The following LCORL variants were observed in gnomAD, a reference collection of about 807,000 sequenced individuals.
The protein encoded by LCORL is ligand-dependent nuclear receptor corepressor-like protein.
In LCORL, 41 loss-of-function variants were observed where a neutral mutation model predicts 141.8. The observed-to-expected ratio is 0.29, with a 90% CI of 0.23 to 0.38. The LOEUF (loss-of-function observed/expected upper bound fraction) is 0.38. LCORL is among the 10% of genes least tolerant of loss of function. The pLI, the probability that LCORL is intolerant of heterozygous loss-of-function variation, is 1.00. For missense variants in LCORL, 1,759 were observed against 2,035.0 expected, an observed-to-expected ratio of 0.86 and a Z score of 2.61; for synonymous variants, 618 against 694.1, an observed-to-expected ratio of 0.89 and a Z score of 1.72.
At chr4:17,881,115 C>A (rs1727511618) in intron 6 of LCORL, 1 of 982,294 alleles carries the variant, frequency 1.0e-6, no homozygotes, top group Non-Finnish European at 1.2e-6. Flanking sequence ...CTTTACTGAG[C>A]AGTAGTTTTC....
chr4:17,911,092 A>T (rs954935311), intron 4 of LCORL, among the ~76,000 whole-genome samples: 3 of 152,168 alleles, frequency 2.0e-5, no homozygotes, highest in Non-Finnish European at 4.4e-5. Flanking sequence ...CAGAAATAAT[A>T]ATAGAACCTG....
intron 1 of LCORL, among the ~76,000 whole-genome samples, chr4:17,997,149 G>A (rs947706776): frequency 2.6e-5 from 4 of 151,998 alleles, no homozygotes; most frequent in African/African-American, 4.8e-5. Context: ...ATCACAAACC[G>A]AACAATTACC....
intron 1 of LCORL, among the ~76,000 whole-genome samples, chr4:17,986,867 A>C (rs1215547932): frequency 6.6e-6 from 1 of 152,168 alleles, no homozygotes; most frequent in Non-Finnish European, 1.5e-5. Flanking sequence ...AAATTCATAA[A>C]TTACAAACAT....
At chr4:17,892,284 C>T (rs1306963360) in intron 5 of LCORL, among the ~76,000 whole-genome samples, 2 of 150,036 alleles carry the variant, frequency 1.3e-5, no homozygotes, top group African/African-American at 4.9e-5. Context: ...TCTCGGCTCA[C>T]TGCAACCTCC....
At chr4:17,902,640 C>G (rs1731054112) in intron 5 of LCORL, among the ~76,000 whole-genome samples, 1 of 152,006 alleles carries the variant, frequency 6.6e-6, no homozygotes, top group South Asian at 2.1e-4. Flanking sequence ...TAACACCTAC[C>G]TTAATCACAG....
intron 1 of LCORL, among the ~76,000 whole-genome samples, chr4:18,015,270 G>C (rs1170257360): frequency 2.0e-5 from 3 of 152,242 alleles, no homozygotes; most frequent in Non-Finnish European, 4.4e-5. Flanking sequence ...CCAAACAAGG[G>C]ATGTAGTATG....
intron 4 of LCORL, among the ~76,000 whole-genome samples, chr4:17,944,045 C>G (rs1738424762): frequency 6.6e-6 from 1 of 152,134 alleles, no homozygotes; most frequent in African/African-American, 2.4e-5. Context: ...CTAGTTTACC[C>G]ATACTTATTC....
intron 4 of LCORL, among the ~76,000 whole-genome samples, 158 bp from the exon 5 acceptor site, chr4:17,909,503 G>C (rs1732164907): frequency 6.6e-6 from 1 of 152,042 alleles, no homozygotes; most frequent in African/African-American, 2.4e-5. Flanking sequence ...AAGCTTTGTA[G>C]ATTTAATCAG....
At chr4:18,015,947 C>T (rs555155915) in intron 1 of LCORL, among the ~76,000 whole-genome samples, 1 of 151,674 alleles carries the variant, frequency 6.6e-6, no homozygotes, top group East Asian at 1.9e-4. Context: ...CAAAGGCCTT[C>T]CTGGTTTCAT....
At chr4:17,952,885 C>T (rs188109413) in intron 4 of LCORL, among the ~76,000 whole-genome samples, 1 of 152,260 alleles carries the variant, frequency 6.6e-6, no homozygotes, top group Non-Finnish European at 1.5e-5. Context: ...CTATCACCTG[C>T]CTCCCATCCT....
At chr4:18,014,571 G>A (rs1294010929) in intron 1 of LCORL, among the ~76,000 whole-genome samples, 1 of 152,060 alleles carries the variant, frequency 6.6e-6, no homozygotes, top group Admixed American at 6.6e-5. Flanking sequence ...AAAGTAAGAC[G>A]CAAATGTAGC....
chr4:17,883,293 A>G (rs1024437428), intron 6 of LCORL: 4 of 990,478 alleles, frequency 4.0e-6, no homozygotes, highest in Non-Finnish European at 4.8e-6. Flanking sequence ...TCTGTTGTAT[A>G]GAATGTTTAT....
chr4:17,993,572 G>A (rs1315128197), intron 1 of LCORL, among the ~76,000 whole-genome samples: 1 of 152,202 alleles, frequency 6.6e-6, no homozygotes, highest in African/African-American at 2.4e-5. Context: ...AATGTGATAT[G>A]AAAGGAGGAC....
chr4:17,944,296 C>T (rs1018642554), intron 4 of LCORL, among the ~76,000 whole-genome samples: 2 of 152,110 alleles, frequency 1.3e-5, no homozygotes, highest in African/African-American at 2.4e-5. Flanking sequence ...CTAGGTCTTA[C>T]TCATTCAATC....
chr4:18,011,176 G>C (rs564415605), intron 1 of LCORL, among the ~76,000 whole-genome samples: 3 of 151,968 alleles, frequency 2.0e-5, no homozygotes, highest in Non-Finnish European at 4.4e-5. Context: ...GGCCTGTATC[G>C]GTAATAGAAA....
At chr4:17,939,840 T>C (rs557982816) in intron 4 of LCORL, among the ~76,000 whole-genome samples, 25 of 150,098 alleles carry the variant, frequency 1.7e-4, no homozygotes, top group Admixed American at 5.3e-4. Context: ...GGATGAAATC[T>C]GGAAAAAAAT....
intron 5 of LCORL, among the ~76,000 whole-genome samples, chr4:17,890,131 G>A (rs180768403): frequency 7.2e-5 from 11 of 152,164 alleles, no homozygotes; most frequent in African/African-American, 2.4e-4. Flanking sequence ...ATGCTGAAAT[G>A]AATATCCTTC....
chr4:17,877,802 G>C, exon 7 of LCORL: 2 of 1,230,594 alleles, frequency 1.6e-6, no homozygotes, highest in Non-Finnish European at 2.0e-6. Context: ...AACAGCACCT[G>C]TGAGAATTAT....
intron 4 of LCORL, among the ~76,000 whole-genome samples, chr4:17,934,247 T>C (rs1736492730): frequency 3.3e-5 from 5 of 152,090 alleles, no homozygotes; most frequent in Admixed American, 3.3e-4. Flanking sequence ...GTATCAGCAT[T>C]TGTTCATCAA....
Sources: allele counts gnomAD v4.1 joint callset (sites outside exome capture counted in the v4.1 genomes callset), GRCh38; gene constraint gnomAD v4.1.1; transcripts MANE v1.5; gene names NCBI Gene and HGNC (gene_info 2026-07-23, HGNC 2026-07-21).